The following TJP1 variants were observed in gnomAD, a reference collection of about 807,000 sequenced individuals.
The protein encoded by TJP1 is tight junction protein 1.
TJP1 carries 43 observed loss-of-function variants against 194.2 expected under a neutral mutation model. That is an observed-to-expected ratio of 0.22 (90% CI 0.17 to 0.29). TJP1 has a LOEUF of 0.29. Among genes scored for constraint, TJP1 ranks in the 10% least tolerant of loss-of-function variants. TJP1 has a pLI of 1.00. For synonymous variants in TJP1, 801 were observed against 779.0 expected, an observed-to-expected ratio of 1.03 and a Z score of -0.47; for missense variants, 1,971 against 2,185.7, an observed-to-expected ratio of 0.90 and a Z score of 1.96.
intron 2 of TJP1, among the ~76,000 whole-genome samples, chr15:29,876,277 T>C (rs1456328185): frequency 6.6e-6 from 1 of 152,172 alleles, no homozygotes; most frequent in African/African-American, 2.4e-5. Flanking sequence ...CCCAGCACTT[T>C]GGGAGGCTGA....
chr15:29,824,166 C>T (rs1344015186), upstream of TJP1: 7 of 137,326 alleles, frequency 5.1e-5, no homozygotes, highest in East Asian at 7.2e-4. Context: ...CACTTGGGGC[C>T]GTGCGCAGTG....
chr15:29,800,519 A>T, intron 2 of TJP1, 127 bp downstream of exon 2: 1 of 815,652 alleles, frequency 1.2e-6, no homozygotes, highest in Non-Finnish European at 1.9e-6. Flanking sequence ...CTCTAATTTT[A>T]AACAAAAGAA....
At chr15:29,851,886 A>G (rs947042438) in intron 2 of TJP1, among the ~76,000 whole-genome samples, 8 of 152,256 alleles carry the variant, frequency 5.3e-5, no homozygotes, top group Non-Finnish European at 1.2e-4. Context: ...GTAGAAGGAT[A>G]GCCTTTTGGA....
At chr15:29,781,303 C>G (rs934183400) in intron 2 of TJP1, among the ~76,000 whole-genome samples, 1 of 152,082 alleles carries the variant, frequency 6.6e-6, no homozygotes, top group African/African-American at 2.4e-5. Flanking sequence ...ATACCAGTAA[C>G]AAACGCCGAA....
chr15:29,702,437 T>C (rs1435779263), intron 27 of TJP1, among the ~76,000 whole-genome samples: 1 of 152,212 alleles, frequency 6.6e-6, no homozygotes, highest in Non-Finnish European at 1.5e-5. Flanking sequence ...TATGTCTCTG[T>C]GGTGTCCAAG....
chr15:29,790,228 CTAGA>C (rs1463231970), intron 2 of TJP1, among the ~76,000 whole-genome samples: 1 of 152,134 alleles, frequency 6.6e-6, no homozygotes, highest in African/African-American at 2.4e-5. Context: ...TGATCCTGCT[CTAGA>C]TAGTCTAAAT....
chr15:29,927,342 T>C (rs1481730702), intron 2 of TJP1, among the ~76,000 whole-genome samples: 1 of 151,840 alleles, frequency 6.6e-6, no homozygotes, highest in Non-Finnish European at 1.5e-5. Context: ...GAAAGAAAAA[T>C]ATGATAGAAA....
At chr15:29,896,761 C>T (rs769490939) in intron 2 of TJP1, among the ~76,000 whole-genome samples, 3 of 152,092 alleles carry the variant, frequency 2.0e-5, no homozygotes, top group Non-Finnish European at 4.4e-5. Context: ...GTGACTCTTA[C>T]CATGTTTTAG....
At chr15:29,797,372 A>G (rs2048482102) in intron 2 of TJP1, among the ~76,000 whole-genome samples, 2 of 152,154 alleles carry the variant, frequency 1.3e-5, no homozygotes, top group African/African-American at 4.8e-5. Context: ...CTGGTCTCAA[A>G]TTCCTGGCCT....
intron 2 of TJP1, among the ~76,000 whole-genome samples, chr15:29,783,886 C>T (rs559172906): frequency 4.6e-5 from 7 of 152,074 alleles, no homozygotes; most frequent in Non-Finnish European, 1.0e-4. Context: ...ATAATCTGTA[C>T]AACAAACCCC....
At chr15:29,829,204 G>C (rs1257667152) in intron 2 of TJP1, among the ~76,000 whole-genome samples, 1 of 152,112 alleles carries the variant, frequency 6.6e-6, no homozygotes, top group Non-Finnish European at 1.5e-5. Flanking sequence ...ATAACTATGG[G>C]ACATTTGTTG....
rs562855188 is a variant in TJP1 at position 29,713,752 on chromosome 15, A to C, written c.4203-2752T>G. 3.5e-4 allele frequency among the ~76,000 whole-genome samples: 54 copies of C among 152,334 alleles called. 1 individual carries two copies. The highest frequency in any genetic ancestry group is 1.3e-3 in the African/African-American group (53 of 41,586). On this transcript the variant is annotated intron_variant, in intron 23 of 27. Transcript: ENST00000614355. The stretch of plus-strand genomic sequence containing the variant: ...CTCTTAGTTATCTTCCATGACCCTT[A>C]TTCTCCTTTCCATTTCTCTAACCAT...
At chr15:29,748,922 A>ATGTG (rs112772922) in intron 8 of TJP1, among the ~76,000 whole-genome samples, 1,473 of 104,604 alleles carry the variant, frequency 0.014, 13 homozygotes, top group Admixed American at 0.022. Context: ...AAGCTTAAAA[A>ATGTG]TGTGTGTGTG....
intron 27 of TJP1, among the ~76,000 whole-genome samples, chr15:29,703,066 A>G (rs2041654578): frequency 6.6e-6 from 1 of 152,238 alleles, no homozygotes. Flanking sequence ...AAAAGAAGTA[A>G]TTTAGAGTAT....
At chr15:29,939,603 C>G (rs1242045014) in intron 2 of TJP1, among the ~76,000 whole-genome samples, 1 of 152,156 alleles carries the variant, frequency 6.6e-6, no homozygotes, top group Non-Finnish European at 1.5e-5. Flanking sequence ...AAATACCACC[C>G]AGCTACACAC....
intron 11 of TJP1, among the ~76,000 whole-genome samples, chr15:29,736,735 G>A (rs1484498202): frequency 6.6e-6 from 1 of 152,170 alleles, no homozygotes; most frequent in African/African-American, 2.4e-5. Flanking sequence ...TGTGGAGTAT[G>A]AAGTTTCAAA....
chr15:29,846,952 A>AAGAT (rs112344814), intron 2 of TJP1, among the ~76,000 whole-genome samples: 25,232 of 151,992 alleles, frequency 0.17, 2,569 homozygotes, highest in South Asian at 0.23. Context: ...GAAAGAAAGA[A>AAGAT]AACAAGGGCT....
intron 2 of TJP1, among the ~76,000 whole-genome samples, chr15:29,945,911 G>C (rs2055265585): frequency 6.6e-6 from 1 of 152,054 alleles, no homozygotes; most frequent in African/African-American, 2.4e-5. Flanking sequence ...TGGAAGAAAT[G>C]TACAGTACAT....
chr15:29,922,733 T>C (rs1454786364), intron 2 of TJP1, among the ~76,000 whole-genome samples: 1 of 151,818 alleles, frequency 6.6e-6, no homozygotes, highest in East Asian at 1.9e-4. Flanking sequence ...AGAAAGGAAA[T>C]GGTAACAGAA....
Sources: gnomAD v4.1 joint callset for allele counts (sites outside exome capture counted in the v4.1 genomes callset) on GRCh38, gnomAD v4.1.1 for gene constraint, MANE v1.5 for transcripts, NCBI Gene and HGNC (gene_info 2026-07-23, HGNC 2026-07-21) for gene names.